ADGRL3: variants seen among roughly 807,000 people sequenced by gnomAD.
ADGRL3 encodes the protein adhesion G protein-coupled receptor L3, also known as calcium-independent alpha-latrotoxin receptor 3.
In ADGRL3, 62 loss-of-function variants were observed where a neutral mutation model predicts 153.5. The ratio of observed to expected loss-of-function variants is 0.40; its 90% CI spans 0.33 to 0.50. ADGRL3 has a LOEUF of 0.50. Among genes scored for constraint, ADGRL3 ranks in the 20% least tolerant of loss-of-function variants. The pLI, the probability that ADGRL3 is intolerant of heterozygous loss-of-function variation, is 0.47. For synonymous variants in ADGRL3, 710 were observed against 672.5 expected, an observed-to-expected ratio of 1.06 and a Z score of -0.86; for missense variants, 1,641 against 1,859.4, an observed-to-expected ratio of 0.88 and a Z score of 2.16.
intron 25 of ADGRL3, among the ~76,000 whole-genome samples, chr4:62,059,499 T>A (rs927584155): frequency 3.3e-5 from 5 of 152,164 alleles, no homozygotes; most frequent in Admixed American, 1.3e-4. Flanking sequence ...GATTTTTAAG[T>A]AGCGATTAGT....
intron 1 of ADGRL3, among the ~76,000 whole-genome samples, chr4:61,269,885 T>A (rs2093062980): frequency 6.6e-6 from 1 of 151,688 alleles, no homozygotes; most frequent in South Asian, 2.1e-4. Flanking sequence ...ACAAATCATT[T>A]AGTTTTGCCC....
At chr4:61,447,532 A>G (rs767220213) in intron 2 of ADGRL3, among the ~76,000 whole-genome samples, 13 of 152,186 alleles carry the variant, frequency 8.5e-5, no homozygotes, top group Middle Eastern at 3.2e-3. Context: ...TTAGTGATTC[A>G]GGTTTGGTAT....
intron 1 of ADGRL3, among the ~76,000 whole-genome samples, chr4:61,310,420 G>T (rs907277595): frequency 6.6e-6 from 1 of 152,006 alleles, no homozygotes; most frequent in African/African-American, 2.4e-5. Context: ...TTTAAAGGCA[G>T]ACTGTTTCCT....
chr4:61,223,736 T>C (rs1746688104), intron 1 of ADGRL3, among the ~76,000 whole-genome samples: 2 of 152,230 alleles, frequency 1.3e-5, no homozygotes, highest in Admixed American at 1.3e-4. Context: ...TTGGCCAGTT[T>C]CTGTCTGCTT....
intron 9 of ADGRL3, among the ~76,000 whole-genome samples, chr4:61,854,073 A>T (rs200641009): frequency 6.6e-6 from 1 of 152,208 alleles, no homozygotes; most frequent in East Asian, 1.9e-4. Flanking sequence ...AAGCCAGAGC[A>T]TCTGGGAATT....
intron 5 of ADGRL3, among the ~76,000 whole-genome samples, chr4:61,596,494 T>C (rs948278778): frequency 6.6e-6 from 1 of 152,218 alleles, no homozygotes; most frequent in Non-Finnish European, 1.5e-5. Flanking sequence ...ATTCTGATTT[T>C]ATTTTTCATT....
At chr4:61,433,369 A>ATTTTTTTT (rs1371552803) in intron 2 of ADGRL3, among the ~76,000 whole-genome samples, 410 of 89,544 alleles carry the variant, frequency 4.6e-3, no homozygotes, top group Middle Eastern at 0.028. Flanking sequence ...TTTTTTTAAA[A>ATTTTTTTT]AAAAATCAGG....
At chr4:61,766,558 G>A (rs1417167968) in intron 8 of ADGRL3, among the ~76,000 whole-genome samples, 3 of 152,054 alleles carry the variant, frequency 2.0e-5, no homozygotes, top group East Asian at 1.9e-4. Context: ...AGTCGGACAC[G>A]ATTGGCAGGG....
chr4:61,525,526 C>T (rs572448725), intron 4 of ADGRL3, among the ~76,000 whole-genome samples: 128 of 152,076 alleles, frequency 8.4e-4, no homozygotes, highest in Non-Finnish European at 1.3e-3. Context: ...TTGGAAGCTT[C>T]TAATTAGAGT....
At chr4:61,657,050 GTTTA>G (rs1003842753) in intron 5 of ADGRL3, among the ~76,000 whole-genome samples, 7 of 152,090 alleles carry the variant, frequency 4.6e-5, no homozygotes, top group Admixed American at 4.6e-4. Context: ...TTGCAAACGT[GTTTA>G]TTTATCAAAT....
intron 4 of ADGRL3, among the ~76,000 whole-genome samples, chr4:61,521,000 A>G (rs2098527706): frequency 6.6e-6 from 1 of 152,120 alleles, no homozygotes; most frequent in African/African-American, 2.4e-5. Flanking sequence ...AAGGAAATTT[A>G]ATCCCCATTG....
intron 4 of ADGRL3, among the ~76,000 whole-genome samples, chr4:61,530,017 G>C (rs2098602481): frequency 1.3e-5 from 2 of 151,970 alleles, no homozygotes; most frequent in Non-Finnish European, 2.9e-5. Flanking sequence ...TTAAATAGTT[G>C]GCAGGGAATA....
chr4:61,926,479 T>C (rs1041476877), intron 13 of ADGRL3, among the ~76,000 whole-genome samples: 7 of 152,134 alleles, frequency 4.6e-5, no homozygotes, highest in African/African-American at 7.3e-5. Flanking sequence ...TTTAAATATC[T>C]TTGGAATAAT....
chr4:61,448,388 A>G (rs2097614576), intron 2 of ADGRL3, among the ~76,000 whole-genome samples: 1 of 152,180 alleles, frequency 6.6e-6, no homozygotes, highest in Non-Finnish European at 1.5e-5. Context: ...AGTGGTTAAG[A>G]ATGAGTGTGT....
chr4:61,755,261 T>C (rs368616044), intron 8 of ADGRL3, among the ~76,000 whole-genome samples: 5 of 151,002 alleles, frequency 3.3e-5, no homozygotes, highest in South Asian at 2.1e-4. Context: ...CCTATTTCTC[T>C]ACATCCTCTC....
intron 8 of ADGRL3, among the ~76,000 whole-genome samples, chr4:61,801,746 G>A (rs1272963054): frequency 6.6e-6 from 1 of 152,036 alleles, no homozygotes; most frequent in East Asian, 1.9e-4. Flanking sequence ...TTTGTTAAGG[G>A]ATTTGTTAAG....
At chr4:61,844,585 T>TATATAC (rs1554045164) in intron 9 of ADGRL3, among the ~76,000 whole-genome samples, 1 of 102,190 alleles carries the variant, frequency 9.8e-6, no homozygotes, top group Non-Finnish European at 1.9e-5. Context: ...AATATATATA[T>TATATAC]ATATATATAT....
chr4:61,361,755 G>A (rs1027398622), intron 1 of ADGRL3, among the ~76,000 whole-genome samples: 1 of 152,046 alleles, frequency 6.6e-6, no homozygotes, highest in African/African-American at 2.4e-5. Flanking sequence ...ATAGGAGATG[G>A]TGAAGACTAT....
intron 9 of ADGRL3, among the ~76,000 whole-genome samples, chr4:61,830,554 C>G (rs183904409): frequency 2.0e-5 from 3 of 152,248 alleles, no homozygotes; most frequent in Admixed American, 2.0e-4. Context: ...TGAAAAGATT[C>G]TTTCAGAGAT....
Sources: allele counts gnomAD v4.1 joint callset (sites outside exome capture counted in the v4.1 genomes callset), GRCh38; gene constraint gnomAD v4.1.1; transcripts MANE v1.5; gene names NCBI Gene and HGNC (gene_info 2026-07-23, HGNC 2026-07-21).